FRMD8: variants seen among roughly 807,000 people sequenced by gnomAD.
FRMD8 encodes the protein FERM domain-containing protein 8.
Under a neutral mutation model 54.2 loss-of-function variants are expected in FRMD8, and 37 were observed. That is an observed-to-expected ratio of 0.68 (90% CI 0.53 to 0.90). The LOEUF (loss-of-function observed/expected upper bound fraction) is 0.90. Among genes scored for constraint, FRMD8 ranks in the 40% least tolerant of loss-of-function variants. FRMD8 has a pLI of 0.00. For synonymous variants in FRMD8, 246 were observed against 286.9 expected (o/e 0.86, Z 1.44); for missense variants, 585 against 653.7 (o/e 0.89, Z 1.15).
At position 65,394,251 on chromosome 11, in the gene FRMD8, C is replaced by G. The variant is rs770430852; in HGVS notation, c.415-8C>G. 105 of 1,599,950 alleles carry G rather than the reference C, an allele frequency of 6.6e-5. No individual in the cohort carries two copies. Among genetic ancestry groups the G allele is most frequent in the Non-Finnish European group, 8.4e-5 (98 of 1,173,634 alleles). On this transcript the variant is annotated splice_polypyrimidine_tract_variant and splice_region_variant and intron_variant, in intron 5 of 10. Coordinates refer to ENST00000317568, the MANE Select transcript of FRMD8 (RefSeq NM_031904.5). ...CTGAGCGGCTGTCCCTGCCACACCC[C>G]CCTGCAGATCCATGACGAGGAGGTC...
chr11:65,386,992 C>A, intron 1 of FRMD8, 45 bp from the exon 2 acceptor site: 1 of 1,548,124 alleles, frequency 6.5e-7, no homozygotes, highest in Non-Finnish European at 8.8e-7. Context: ...CTCCAGCCCC[C>A]CATCCCTGGC....
At chr11:65,406,327 T>G (rs984772983) in intron 10 of FRMD8, among the ~76,000 whole-genome samples, 1 of 151,920 alleles carries the variant, frequency 6.6e-6, no homozygotes, top group African/African-American at 2.4e-5. Flanking sequence ...CCTAAGTAGC[T>G]GGAACTACAG....
At chr11:65,408,163 C>T (rs1200971060) in intron 10 of FRMD8, among the ~76,000 whole-genome samples, 5 of 151,584 alleles carry the variant, frequency 3.3e-5, no homozygotes, top group East Asian at 2.0e-4. Context: ...CAACCTCCAC[C>T]TCCCGGGTTC....
intron 2 of FRMD8, among the ~76,000 whole-genome samples, chr11:65,388,080 C>T (rs959501882): frequency 2.6e-5 from 4 of 151,820 alleles, no homozygotes; most frequent in African/African-American, 7.3e-5. Context: ...AGGAGAATGA[C>T]TTGAACCTGA....
At chr11:65,397,195 T>C (rs1270415393) in intron 7 of FRMD8, among the ~76,000 whole-genome samples, 175 bp downstream of exon 7, 1 of 151,560 alleles carries the variant, frequency 6.6e-6, no homozygotes, top group East Asian at 1.9e-4. Context: ...TGTCCTCCCC[T>C]TCCTCCTGTC....
the FRMD8 span, chr11:65,376,476 A>G: frequency 1.9e-6 from 3 of 1,614,154 alleles, no homozygotes; most frequent in Admixed American, 5.0e-5. Flanking sequence ...AGGCGCGGGC[A>G]CTGTTGATGG....
chr11:65,377,510 C>A, the FRMD8 span: 1 of 753,268 alleles, frequency 1.3e-6, no homozygotes, highest in South Asian at 5.3e-5. Flanking sequence ...TGAAGGAGGT[C>A]CCCTCGTGAG....
At chr11:65,399,965 A>C (rs907102490) in intron 8 of FRMD8, 106 bp downstream of exon 8, 24 of 1,383,334 alleles carry the variant, frequency 1.7e-5, no homozygotes, top group Non-Finnish European at 2.4e-5. Context: ...AGGTGGATGG[A>C]CTGTCTGGGA....
chr11:65,374,563 T>G, the FRMD8 span, among the ~76,000 whole-genome samples: 1 of 152,190 alleles, frequency 6.6e-6, no homozygotes, highest in African/African-American at 2.4e-5. Context: ...TGGACTCACG[T>G]TGATCTCAGA....
intron 3 of FRMD8, among the ~76,000 whole-genome samples, chr11:65,392,407 G>C (rs533890746): frequency 6.6e-6 from 1 of 152,214 alleles, no homozygotes; most frequent in African/African-American, 2.4e-5. Context: ...GGCAGCGCTC[G>C]GGAAGCTTGG....
intron 6 of FRMD8, 27 bp downstream of exon 6, chr11:65,394,452 G>A: frequency 1.9e-6 from 3 of 1,548,778 alleles, no homozygotes; most frequent in South Asian, 1.2e-5. Context: ...CTTGAGGCGG[G>A]GGCGCTGGGT....
At chr11:65,394,556 G>A in intron 6 of FRMD8, 131 bp downstream of exon 6, 1 of 1,096,322 alleles carries the variant, frequency 9.1e-7, no homozygotes, top group Non-Finnish European at 1.3e-6. Flanking sequence ...CAGCCCCGCA[G>A]GCTCACTCTG....
the FRMD8 span, chr11:65,376,370 T>A: frequency 6.2e-7 from 1 of 1,602,036 alleles, no homozygotes; most frequent in Non-Finnish European, 8.5e-7. Context: ...CTCCAGGCCG[T>A]GGGCCTGATG....
At chr11:65,409,991 C>T (rs1427824184) in intron 10 of FRMD8, among the ~76,000 whole-genome samples, 4 of 151,584 alleles carry the variant, frequency 2.6e-5, no homozygotes, top group Non-Finnish European at 5.9e-5. Context: ...GGAGGATCAC[C>T]TAGGCTTAGG....
chr11:65,372,262 CT>C, the FRMD8 span, among the ~76,000 whole-genome samples: 1 of 152,150 alleles, frequency 6.6e-6, no homozygotes, highest in East Asian at 1.9e-4. Flanking sequence ...CCATCTTTGT[CT>C]TTCTGCCCTC....
upstream of FRMD8, chr11:65,381,888 G>A: frequency 2.5e-6 from 4 of 1,613,954 alleles, no homozygotes; most frequent in Non-Finnish European, 3.4e-6. Context: ...TGGGTGTGAT[G>A]TGACAGAAGG....
At chr11:65,376,990 G>A in the FRMD8 span, 2 of 1,613,724 alleles carry the variant, frequency 1.2e-6, no homozygotes, top group Admixed American at 1.7e-5. Flanking sequence ...CCTGGTACCG[G>A]GGTGGGGGGC....
intron 9 of FRMD8, among the ~76,000 whole-genome samples, chr11:65,401,684 C>T (rs1364380251): frequency 6.7e-5 from 10 of 149,182 alleles, no homozygotes; most frequent in South Asian, 2.2e-4. Context: ...AGCTTCTTTC[C>T]GCCCCCACCA....
chr11:65,383,800 G>C (rs1228111445), upstream of FRMD8: 1 of 144,484 alleles, frequency 6.9e-6, no homozygotes, highest in African/African-American at 2.5e-5. Context: ...AAACCCTCCT[G>C]TCTCTCGTAC....
Sources: allele counts gnomAD v4.1 joint callset (sites outside exome capture counted in the v4.1 genomes callset), GRCh38; gene constraint gnomAD v4.1.1; transcripts MANE v1.5; gene names NCBI Gene and HGNC (gene_info 2026-07-23, HGNC 2026-07-21).